Variants in SPAG17 observed in about 807,000 individuals in gnomAD.
The protein encoded by SPAG17 is sperm-associated antigen 17.
A neutral mutation model predicts 273.6 loss-of-function variants in SPAG17; 169 were observed. The observed-to-expected ratio is 0.62, with a 90% CI of 0.55 to 0.70. The LOEUF (loss-of-function observed/expected upper bound fraction) is 0.70. Ranked by LOEUF, SPAG17 falls within the 30% of genes least tolerant of loss-of-function variation. SPAG17 has a pLI of 0.00. For missense variants in SPAG17, 2,557 were observed against 2,627.8 expected (o/e 0.97, Z 0.59); for synonymous variants, 825 against 873.2 (o/e 0.94, Z 0.97).
At chr1:118,150,960 A>G (rs1049691275) in intron 2 of SPAG17, among the ~76,000 whole-genome samples, 1 of 152,206 alleles carries the variant, frequency 6.6e-6, no homozygotes, top group Non-Finnish European at 1.5e-5. Flanking sequence ...CTTGAATTAA[A>G]TATTTTGTCA....
chr1:118,158,224 C>T (rs1276672311), intron 1 of SPAG17, among the ~76,000 whole-genome samples: 2 of 152,170 alleles, frequency 1.3e-5, no homozygotes, highest in Non-Finnish European at 2.9e-5. Context: ...GAGAAATCTT[C>T]AAGTCATTTT....
intron 32 of SPAG17, among the ~76,000 whole-genome samples, chr1:117,999,653 T>C (rs1484611162): frequency 1.3e-5 from 2 of 152,220 alleles, no homozygotes; most frequent in African/African-American, 2.4e-5. Flanking sequence ...TCATATCCTG[T>C]GCCCACTTTT....
At chr1:118,019,008 T>C (rs529112071) in intron 28 of SPAG17, among the ~76,000 whole-genome samples, 5 of 133,970 alleles carry the variant, frequency 3.7e-5, no homozygotes, top group African/African-American at 1.5e-4. Context: ...CACTCCAGCC[T>C]GGGTGACAGA....
intron 5 of SPAG17, among the ~76,000 whole-genome samples, chr1:118,100,257 G>C (rs1277384089): frequency 6.6e-6 from 1 of 152,176 alleles, no homozygotes; most frequent in Non-Finnish European, 1.5e-5. Flanking sequence ...CCCTTAAAAA[G>C]TGTTGTATGC....
rs1023606827 is a variant in SPAG17, at chr1:118,046,278, A to T, written c.2815-4236T>A. On this transcript the variant is annotated intron_variant, in intron 20 of 48. Coordinates refer to ENST00000336338, the MANE Select transcript of SPAG17 (RefSeq NM_206996.4). ...TTTGAGCCCAGGAATTTGAGGCTGC[A>T]GTGAGTTATAATCACGCCACTGCAC... 1.7e-4 allele frequency among the ~76,000 whole-genome samples: 26 copies of T among 152,118 alleles called. 1 individual carries two copies. The highest frequency in any genetic ancestry group is 2.1e-4 in the South Asian group (1 of 4,812).
chr1:117,954,785 A>G (rs1651922689), intron 48 of SPAG17, among the ~76,000 whole-genome samples: 1 of 152,070 alleles, frequency 6.6e-6, no homozygotes, highest in Non-Finnish European at 1.5e-5. Context: ...GATATTTTGT[A>G]TTTCAAAAGG....
At chr1:118,123,567 C>G (rs1657539044) in intron 3 of SPAG17, among the ~76,000 whole-genome samples, 1 of 152,146 alleles carries the variant, frequency 6.6e-6, no homozygotes, top group Admixed American at 6.5e-5. Flanking sequence ...CAGACCACAG[C>G]TTGGTGAGAA....
At position 118,151,294 on chromosome 1, in the gene SPAG17, C is replaced by A; in HGVS notation, c.163G>T (p.Val55Leu). The A allele has an allele frequency of 6.2e-7, 1 of 1,613,636 alleles. No homozygotes were observed. Among genetic ancestry groups the A allele is most frequent in the East Asian group, 2.2e-5 (1 of 44,864 alleles). Residue 55 changes from valine (V) to leucine (L), a missense_variant, in exon 2 of 49, where the codon GTG becomes TTG. Val to Leu is a conservative substitution (Grantham distance 32). Transcript: ENST00000336338. ...TTACGCTGAGGGACCTGGACAGCCACGGTAAGGGCTTGGATGAGAAGATCA... is the reference window on the plus strand; with the variant it reads ...TTACGCTGAGGGACCTGGACAGCCAAGGTAAGGGCTTGGATGAGAAGATCA... ...EDDLLIQALT[V>L]AVQVPQRKLF...
At chr1:118,131,163 CA>C (rs1658032752) in intron 3 of SPAG17, among the ~76,000 whole-genome samples, 1 of 152,172 alleles carries the variant, frequency 6.6e-6, no homozygotes, top group African/African-American at 2.4e-5. Context: ...AGGTTCCTTT[CA>C]AAATTCTTTT....
At chr1:118,093,423 A>G (rs1370152172) in intron 7 of SPAG17, 106 bp from the exon 8 acceptor site, 1 of 1,109,356 alleles carries the variant, frequency 9.0e-7, no homozygotes, top group Non-Finnish European at 1.2e-6. Context: ...TTTATACAGG[A>G]AAGCAAACCC....
intron 4 of SPAG17, among the ~76,000 whole-genome samples, chr1:118,102,509 C>T (rs772509460): frequency 3.9e-5 from 6 of 151,988 alleles, no homozygotes; most frequent in South Asian, 2.1e-4. Flanking sequence ...TATTATAATC[C>T]TACTGAAGAA....
In SPAG17 at chr1:118,039,442, G is replaced by A; in HGVS notation, c.3169C>T (p.Pro1057Ser). ...ACCACTCTCACTTTGATAAAAGTTG[G>A]GCCTGAGGAGGAACCATAGAATAGA... is the stretch of plus-strand genomic sequence containing the variant. ...EVEKTMFEKG[P>S]TFIKVRVVKD... Residue 1057 changes from proline to serine, a missense_variant and splice_region_variant, in exon 23 of 49, where the codon CCA becomes TCA. Coordinates refer to ENST00000336338, the MANE Select transcript of SPAG17 (RefSeq NM_206996.4). The A allele has an allele frequency of 6.2e-7, 1 of 1,612,986 alleles. No homozygotes were observed. The highest frequency in any genetic ancestry group is 8.5e-7 in the Non-Finnish European group (1 of 1,179,394).
intron 4 of SPAG17, among the ~76,000 whole-genome samples, chr1:118,103,776 G>C (rs1656215714): frequency 6.6e-6 from 1 of 151,980 alleles, no homozygotes; most frequent in Admixed American, 6.6e-5. Context: ...ACTCTCTGTG[G>C]AAGTGACATT....
At chr1:118,076,050 C>T (rs1331365807) in intron 15 of SPAG17, among the ~76,000 whole-genome samples, 2 of 151,928 alleles carry the variant, frequency 1.3e-5, no homozygotes, top group African/African-American at 4.8e-5. Flanking sequence ...TTTAACTGTA[C>T]TCTGAGCACC....
intron 42 of SPAG17, among the ~76,000 whole-genome samples, chr1:117,982,487 C>T (rs1268174116): frequency 2.0e-5 from 3 of 152,132 alleles, no homozygotes; most frequent in East Asian, 3.9e-4. Context: ...GTGATCCACC[C>T]GCTTTGGCCT....
Position 118,093,266 on chromosome 1 carries a change from T to C in SPAG17, c.1063A>G (p.Ile355Val). Residue 355 changes from isoleucine to valine, a missense_variant, in exon 8 of 49, where the codon ATC (isoleucine) becomes GTC (valine). Physicochemically the swap from Ile to Val is conservative, Grantham distance 29 (BLOSUM62 3). Coordinates refer to ENST00000336338, the MANE Select transcript of SPAG17 (RefSeq NM_206996.4). ...FENIACLMYDILDWKRQHQHY... is the reference protein window; with the variant it reads ...FENIACLMYDVLDWKRQHQHY... ...TGGTGCTGCCTTTTCCAATCCAGGATGTCATACATCAAGCAGGCAATATTT... is the reference window on the plus strand; with the variant it reads ...TGGTGCTGCCTTTTCCAATCCAGGACGTCATACATCAAGCAGGCAATATTT... The C allele has an allele frequency of 1.2e-6, 2 of 1,613,526 alleles. No homozygotes were observed. The highest frequency in any genetic ancestry group is 1.7e-6 in the Non-Finnish European group (2 of 1,179,732).
At chr1:118,175,067 G>C (rs1660624671) in intron 1 of SPAG17, among the ~76,000 whole-genome samples, 1 of 152,034 alleles carries the variant, frequency 6.6e-6, no homozygotes, top group Non-Finnish European at 1.5e-5. Context: ...GCCTCACTCT[G>C]TTGCCCAGGC....
chr1:118,105,947 A>G (rs1487480304), intron 4 of SPAG17, among the ~76,000 whole-genome samples: 1 of 152,176 alleles, frequency 6.6e-6, no homozygotes, highest in Non-Finnish European at 1.5e-5. Context: ...TGATAGACAG[A>G]TAGGAGGGTC....
chr1:118,051,679 GTAT>G (rs1433295116), intron 20 of SPAG17, among the ~76,000 whole-genome samples: 1 of 144,450 alleles, frequency 6.9e-6, no homozygotes, highest in Non-Finnish European at 1.5e-5. Flanking sequence ...ATATATAATA[GTAT>G]TATATAATAG....
Sources: allele counts gnomAD v4.1 joint callset (sites outside exome capture counted in the v4.1 genomes callset), GRCh38; gene constraint gnomAD v4.1.1; transcripts MANE v1.5; gene names NCBI Gene and HGNC (gene_info 2026-07-23, HGNC 2026-07-21).